The following ATRNL1 variants were observed in gnomAD, a reference collection of about 807,000 sequenced individuals.
The protein encoded by ATRNL1 is attractin like 1, also known as attractin-like protein 1.
In ATRNL1, 95 loss-of-function variants were observed where a neutral mutation model predicts 182.7. The observed-to-expected ratio is 0.52, with a 90% confidence interval of 0.44 to 0.62. The LOEUF (loss-of-function observed/expected upper bound fraction) is 0.62, where lower values mean the gene tolerates loss of function less well. Ranked by LOEUF, ATRNL1 falls within the 20% of genes least tolerant of loss-of-function variation. The pLI is 0.00. For missense variants in ATRNL1, 1,471 were observed against 1,679.5 expected (o/e 0.88, Z 2.17); for synonymous variants, 576 against 568.3 (o/e 1.01, Z -0.19).
At chr10:115,365,900 C>T (rs1179551440) in intron 19 of ATRNL1, among the ~76,000 whole-genome samples, 7 of 151,964 alleles carry the variant, frequency 4.6e-5, no homozygotes, top group African/African-American at 7.3e-5. Flanking sequence ...TTGTTATAAT[C>T]TCTGTTCTTT....
chr10:115,214,523 A>G (rs1276859978), intron 8 of ATRNL1, among the ~76,000 whole-genome samples: 1 of 151,898 alleles, frequency 6.6e-6, no homozygotes, highest in African/African-American at 2.4e-5. Flanking sequence ...TTGTAGAATC[A>G]TTTTCTTTAC....
At chr10:115,769,223 C>G (rs192988401) in intron 27 of ATRNL1, among the ~76,000 whole-genome samples, 194 of 152,200 alleles carry the variant, frequency 1.3e-3, no homozygotes, top group Non-Finnish European at 2.3e-3. Context: ...TGCACCAAAA[C>G]AAGAAACCGT....
At chr10:115,709,906 C>T (rs1292724750) in intron 26 of ATRNL1, among the ~76,000 whole-genome samples, 5 of 151,936 alleles carry the variant, frequency 3.3e-5, no homozygotes, top group Admixed American at 2.6e-4. Context: ...ACTTGTAATT[C>T]TGAGTTGTTC....
chr10:115,534,492 G>A (rs1851830435), intron 25 of ATRNL1, among the ~76,000 whole-genome samples: 1 of 152,246 alleles, frequency 6.6e-6, no homozygotes, highest in Non-Finnish European at 1.5e-5. Context: ...TTGAGCTTAT[G>A]TGTGTCCCTG....
intron 26 of ATRNL1, among the ~76,000 whole-genome samples, chr10:115,666,705 C>T (rs1861020380): frequency 1.3e-5 from 2 of 152,030 alleles, no homozygotes; most frequent in South Asian, 2.1e-4. Context: ...GTCATACCAG[C>T]ATCATATCAA....
chr10:115,230,917 G>GAGAGAGAA (rs1849917158), intron 9 of ATRNL1, among the ~76,000 whole-genome samples: 3 of 138,314 alleles, frequency 2.2e-5, no homozygotes, highest in Non-Finnish European at 4.7e-5. Context: ...GAGAGAGAGA[G>GAGAGAGAA]AGAGAAAGAG....
intron 19 of ATRNL1, among the ~76,000 whole-genome samples, chr10:115,344,985 T>G (rs1420125113): frequency 6.6e-6 from 1 of 152,166 alleles, no homozygotes; most frequent in Non-Finnish European, 1.5e-5. Flanking sequence ...CAAGACAAAG[T>G]CCTCTCCACT....
intron 26 of ATRNL1, among the ~76,000 whole-genome samples, chr10:115,726,648 C>A (rs1376868600): frequency 2.0e-5 from 3 of 152,146 alleles, no homozygotes; most frequent in Non-Finnish European, 4.4e-5. Flanking sequence ...ATTTCTGCAC[C>A]TTACTAATCA....
At chr10:115,560,267 G>A (rs1425139358) in intron 26 of ATRNL1, among the ~76,000 whole-genome samples, 2 of 152,114 alleles carry the variant, frequency 1.3e-5, no homozygotes, top group Middle Eastern at 3.2e-3. Context: ...AAAGAAAAGA[G>A]GCTTAATTGA....
intron 5 of ATRNL1, among the ~76,000 whole-genome samples, chr10:115,143,049 T>C (rs1210325969): frequency 6.6e-6 from 1 of 152,154 alleles, no homozygotes; most frequent in Non-Finnish European, 1.5e-5. Flanking sequence ...GAGAGAGATC[T>C]GTACTGTAGA....
intron 26 of ATRNL1, among the ~76,000 whole-genome samples, chr10:115,637,305 T>G (rs1048175781): frequency 5.3e-5 from 8 of 152,126 alleles, no homozygotes; most frequent in South Asian, 4.1e-4. Flanking sequence ...TTATTGCTCC[T>G]GAAGACATTC....
At chr10:115,410,896 C>G (rs1235624096) in intron 20 of ATRNL1, among the ~76,000 whole-genome samples, 1 of 151,848 alleles carries the variant, frequency 6.6e-6, no homozygotes, top group Non-Finnish European at 1.5e-5. Flanking sequence ...CGCCACCATG[C>G]CCTGCTAATT....
At chr10:115,410,273 A>G (rs1388170274) in intron 20 of ATRNL1, among the ~76,000 whole-genome samples, 15 of 147,370 alleles carry the variant, frequency 1.0e-4, no homozygotes, top group African/African-American at 3.5e-4. Context: ...CTATTTTTTC[A>G]TTTATCAGTT....
chr10:115,133,960 C>T lies in ATRNL1; in HGVS notation c.829+4425C>T, dbSNP rs1169109435. ...TCCTGAATGACTACTGGGTACATAA[C>T]GAAATGAAGGCAGAAATAAAGATGT... is the stretch of plus-strand genomic sequence containing the variant. On this transcript the variant is annotated intron_variant, in intron 5 of 28. Transcript: ENST00000355044. Among the ~76,000 whole-genome samples the T allele has an allele frequency of 5.3e-5, 8 of 152,000 alleles. No individual in the cohort carries two copies. The East Asian group carries it at 5.8e-4, about 11-fold the overall frequency.
chr10:115,173,733 T>C (rs1847382827), intron 8 of ATRNL1, among the ~76,000 whole-genome samples: 1 of 151,934 alleles, frequency 6.6e-6, no homozygotes, highest in South Asian at 2.1e-4. Flanking sequence ...TGACCTGAAT[T>C]CTACCTCATC....
intron 26 of ATRNL1, among the ~76,000 whole-genome samples, chr10:115,562,268 A>G (rs889354449): frequency 6.6e-6 from 1 of 152,192 alleles, no homozygotes; most frequent in Non-Finnish European, 1.5e-5. Flanking sequence ...AAGAGACAGT[A>G]AGTAAATTCA....
At chr10:115,281,529 G>A (rs782713772) in intron 14 of ATRNL1, 42 bp downstream of exon 14, 32 of 1,573,726 alleles carry the variant, frequency 2.0e-5, no homozygotes, top group Non-Finnish European at 2.8e-5. Context: ...ATGGTCTACA[G>A]ATAAATACTG....
At chr10:115,351,664 G>T (rs1856256683) in intron 19 of ATRNL1, among the ~76,000 whole-genome samples, 1 of 151,980 alleles carries the variant, frequency 6.6e-6, no homozygotes, top group Non-Finnish European at 1.5e-5. Flanking sequence ...ATATGTTGTT[G>T]AAATCAGTTT....
At chr10:115,128,788 C>G (rs1488076626) in intron 4 of ATRNL1, among the ~76,000 whole-genome samples, 2 of 148,046 alleles carry the variant, frequency 1.4e-5, no homozygotes, top group Non-Finnish European at 3.0e-5. Context: ...GATCGCACCA[C>G]TGCATTCCAG....
Sources: gnomAD v4.1 joint callset for allele counts (sites outside exome capture counted in the v4.1 genomes callset) on GRCh38, gnomAD v4.1.1 for gene constraint, MANE v1.5 for transcripts, NCBI Gene and HGNC (gene_info 2026-07-23, HGNC 2026-07-21) for gene names.